The following FADS3 variants were observed in gnomAD, a reference collection of about 807,000 sequenced individuals.
FADS3 encodes cytochrome b5-related protein.
A neutral mutation model predicts 60.4 loss-of-function variants in FADS3; 30 were observed. The observed-to-expected ratio is 0.50, with a 90% CI of 0.37 to 0.67. The LOEUF (loss-of-function observed/expected upper bound fraction) is 0.67, where lower values mean the gene tolerates loss of function less well. Among genes scored for constraint, FADS3 ranks in the 30% least tolerant of loss-of-function variants. The pLI is 0.00. For missense variants in FADS3, 432 were observed against 598.3 expected, an observed-to-expected ratio of 0.72 and a Z score of 2.90; for synonymous variants, 234 against 249.3, an observed-to-expected ratio of 0.94 and a Z score of 0.58.
At chr11:61,883,783 C>T (rs753895437) in intron 1 of FADS3, among the ~76,000 whole-genome samples, 1 of 152,236 alleles carries the variant, frequency 6.6e-6, no homozygotes, top group Non-Finnish European at 1.5e-5. Flanking sequence ...CCTGTCGAGG[C>T]ACTGACAGGG....
At chr11:61,888,549 G>T (rs1442156479) in intron 1 of FADS3, among the ~76,000 whole-genome samples, 2 of 152,270 alleles carry the variant, frequency 1.3e-5, no homozygotes, top group East Asian at 3.8e-4. Flanking sequence ...GGAGCTAAGA[G>T]ACAGCCTAAA....
At chr11:61,887,235 A>C (rs990435470) in intron 1 of FADS3, among the ~76,000 whole-genome samples, 3 of 152,214 alleles carry the variant, frequency 2.0e-5, no homozygotes, top group Admixed American at 6.5e-5. Context: ...TAAAGACAAC[A>C]TGAAGCTAAA....
chr11:61,874,395 G>A (rs1323576770), intron 11 of FADS3, among the ~76,000 whole-genome samples: 3 of 152,214 alleles, frequency 2.0e-5, no homozygotes, highest in African/African-American at 7.2e-5. Flanking sequence ...GGAAGGAAGG[G>A]CAACCAAGTA....
chr11:61,878,607 G>C lies in FADS3; in HGVS notation c.652C>G (p.Arg218Gly). 1 of 1,614,174 alleles carries C rather than the reference G, an allele frequency of 6.2e-7. No homozygotes were observed. The highest frequency in any genetic ancestry group is 8.5e-7 in the Non-Finnish European group (1 of 1,180,016). Residue 218 changes from arginine to glycine, a missense_variant, in exon 5 of 12, where the codon CGC (arginine) becomes GGC (glycine). Arg to Gly is a moderately radical substitution (Grantham distance 125). Coordinates refer to ENST00000278829, the MANE Select transcript of FADS3 (RefSeq NM_021727.5). ...KGFSAHWWNF[R>G]HFQHHAKPNI... The stretch of plus-strand genomic sequence containing the variant: ...GGCTTGGCGTGGTGCTGGAAGTGGC[G>C]GAAGTTCCACCAGTGGGCGGAGAAG...
chr11:61,885,102 G>C (rs1273440069), intron 1 of FADS3, among the ~76,000 whole-genome samples: 1 of 152,226 alleles, frequency 6.6e-6, no homozygotes, highest in Non-Finnish European at 1.5e-5. Flanking sequence ...CCCATCTTCT[G>C]TGATGTTCAT....
At position 61,876,892 on chromosome 11, in the gene FADS3, C is replaced by T. The variant is rs1415980099; in HGVS notation, c.957G>A (p.Gly319=). The change falls in exon 8 of 12, where the codon GGG becomes GGA. Residue 319 remains glycine (G), a synonymous_variant. Transcript: ENST00000278829. The surrounding 1 kb of genome is among the most constrained non-coding windows in gnomAD (Gnocchi z 5.7). ...LSYLPFYGVP[G]VLLFFVAVRV... ...TGACAGCAACAAAGAAGAGCAGCAC[C>T]CCAGGGACGCCGTAGAAGGGGAGGT... 3 of 1,610,778 alleles carry T rather than the reference C, an allele frequency of 1.9e-6. No individual in the cohort carries two copies. Among genetic ancestry groups the T allele is most frequent in the Middle Eastern group, 3.3e-4 (2 of 6,058 alleles).
At chr11:61,882,111 T>TG (rs1452819143) in intron 1 of FADS3, 2 of 133,670 alleles carry the variant, frequency 1.5e-5, no homozygotes, top group African/African-American at 5.6e-5. Flanking sequence ...TTTTTTTTTT[T>TG]TTTTTTTTTT....
rs1177931779 is a variant in FADS3 at position 61,876,316 on chromosome 11, A to T, written c.1080+43T>A. ...CTTTGCCATCTGGCTCCTAGCTGGG[A>T]CCCCCCACCCCACCCAGGATGGGCC... On this transcript the variant is annotated intron_variant, in intron 9 of 11. Transcript: ENST00000278829. The surrounding 1 kb of genome is among the most constrained non-coding windows in gnomAD (Gnocchi z 5.7). The T allele has an allele frequency of 2.5e-6, 4 of 1,595,906 alleles. No homozygotes were observed. Among genetic ancestry groups the T allele is most frequent in the Non-Finnish European group, 3.4e-6 (4 of 1,168,708 alleles).
At position 61,878,945 on chromosome 11, in the gene FADS3, G is replaced by A. The variant is rs75930575; in HGVS notation, c.523-98C>T. The A allele has an allele frequency of 1.7e-3, 1,557 of 927,650 alleles. 18 individuals are homozygous for A. In the African/African-American group the frequency reaches 0.021, roughly 13 times the overall value. The allele number at this position is 927,650 out of a possible 1,614,324, so 57.5% of individuals were successfully genotyped here. A position where few individuals can be genotyped will look rare whatever the true frequency, so the allele number is the denominator to read the frequency against. Reference sequence around the variant, plus strand: ...CTTTCAGCTTGCAGGGTACCCCCGTGCTAATGCTCCATTTCAAGACCCTTG... The same window carrying A: ...CTTTCAGCTTGCAGGGTACCCCCGTACTAATGCTCCATTTCAAGACCCTTG... On this transcript the variant is annotated intron_variant, in intron 3 of 11. Transcript: ENST00000278829.
intron 1 of FADS3, among the ~76,000 whole-genome samples, chr11:61,889,504 G>A (rs1938423526): frequency 6.6e-6 from 1 of 152,052 alleles, no homozygotes; most frequent in Non-Finnish European, 1.5e-5. Flanking sequence ...ACAATATGCT[G>A]GGCGTGGTGG....
intron 1 of FADS3, among the ~76,000 whole-genome samples, chr11:61,885,085 A>AC (rs1277864239): frequency 6.6e-6 from 1 of 152,094 alleles, no homozygotes; most frequent in African/African-American, 2.4e-5. Context: ...TGGGATTCGA[A>AC]CCCGGGCCCA....
intron 1 of FADS3, among the ~76,000 whole-genome samples, chr11:61,889,372 C>T (rs945488971): frequency 2.0e-5 from 3 of 151,836 alleles, no homozygotes; most frequent in African/African-American, 4.8e-5. Context: ...TGTATCCCAG[C>T]CGGGCGTGGT....
Position 61,877,427 on chromosome 11 carries a change from C to A in FADS3, c.885+84G>T. 1 of 1,311,324 alleles carries A rather than the reference C, an allele frequency of 7.6e-7. No homozygotes were observed. Among genetic ancestry groups the A allele is most frequent in the African/African-American group, 1.4e-5 (1 of 69,406 alleles). The allele number at this position is 1,311,324 out of a possible 1,614,324, so 81.2% of individuals were successfully genotyped here. ...TGCACGCACATGTGCACCCTGTTTG[C>A]CTTCATGGGCAGGTACTGTCCCCCG... is the stretch of plus-strand genomic sequence containing the variant. On this transcript the variant is annotated intron_variant, in intron 7 of 11. Transcript: ENST00000278829. The surrounding 1 kb of genome is among the most constrained non-coding windows in gnomAD (Gnocchi z 4.7).
At chr11:61,891,025 C>T (rs1938486734) in intron 1 of FADS3, 144 bp downstream of exon 1, 2 of 751,226 alleles carry the variant, frequency 2.7e-6, no homozygotes, top group Admixed American at 4.8e-5. Flanking sequence ...CTAGTCCACC[C>T]CAACTCTGGG....
In FADS3 at chr11:61,876,798, G is replaced by A; in HGVS notation, c.983+68C>T. 2 of 1,232,446 alleles carry A rather than the reference G, an allele frequency of 1.6e-6. No individual in the cohort carries two copies. The highest frequency in any genetic ancestry group is 2.3e-6 in the Non-Finnish European group (2 of 856,046). The allele number at this position is 1,232,446 out of a possible 1,614,324, so 76.3% of individuals were successfully genotyped here. A position where few individuals can be genotyped will look rare whatever the true frequency, so the allele number is the denominator to read the frequency against. ...CCATTCTGCAGACGGGAAAAGGGAA[G>A]CTCTGGTGGGGGGCTGCAGTGGGGG... On this transcript the variant is annotated intron_variant, in intron 8 of 11. Coordinates refer to ENST00000278829, the MANE Select transcript of FADS3 (RefSeq NM_021727.5). This position sits in a 1 kb window ranked among gnomAD's most constrained non-coding sequence, Gnocchi z 5.7.
chr11:61,877,580 C>T lies in FADS3; in HGVS notation c.816G>A (p.Pro272=), dbSNP rs758316528. The part of the protein sequence containing the change: ...QQHLYFFLIG[P]PLLTLVNFEV... ...CAAAGTTCACCAGGGTGAGCAGCGGCGGGCCGACTGCAAGAAGGGGCATGA... is the reference window on the plus strand; with the variant it reads ...CAAAGTTCACCAGGGTGAGCAGCGGTGGGCCGACTGCAAGAAGGGGCATGA... The change falls in exon 7 of 12, where the codon CCG becomes CCA. Residue 272 remains proline (P), a synonymous_variant. Coordinates refer to ENST00000278829, the MANE Select transcript of FADS3 (RefSeq NM_021727.5). This position sits in a 1 kb window ranked among gnomAD's most constrained non-coding sequence, Gnocchi z 4.7. 5.1e-5 allele frequency: 82 copies of T among 1,613,590 alleles called. No individual in the cohort carries two copies. The highest frequency in any genetic ancestry group is 6.4e-5 in the Non-Finnish European group (76 of 1,179,986).
At chr11:61,886,166 A>AGG (rs2136000528) in intron 1 of FADS3, 1 of 152,438 alleles carries the variant, frequency 6.6e-6, no homozygotes, top group South Asian at 2.1e-4. Context: ...TCCTGCAGCC[A>AGG]GGACGCTTGG....
At position 61,873,737 on chromosome 11, in the gene FADS3, TGAGGGTATCGATCCCGCCG is replaced by T; in HGVS notation, c.*58_*76del. ...ACCCCCAGGCTGGCCAGTGGAGGGG[TGAGGGTATCGATCCCGCCG>T]GGGGCTGGCTTGGTTGCTGGTGCCC... On this transcript the variant is annotated 3_prime_UTR_variant, in exon 12 of 12. Transcript: ENST00000278829. 1.0e-6 allele frequency: 1 copy of T among 994,748 alleles called. No homozygotes were observed. The highest frequency in any genetic ancestry group is 1.4e-5 in the South Asian group (1 of 73,536). The allele number at this position is 994,748 out of a possible 1,614,324, so 61.6% of individuals were successfully genotyped here.
chr11:61,882,521 G>C (rs1280877223), intron 1 of FADS3: 1 of 152,182 alleles, frequency 6.6e-6, no homozygotes, highest in East Asian at 1.9e-4. Flanking sequence ...CTGGTCGTAA[G>C]TGATCCTCCC....
Sources: allele counts gnomAD v4.1 joint callset (sites outside exome capture counted in the v4.1 genomes callset), GRCh38; gene constraint gnomAD v4.1.1; non-coding constraint Gnocchi (gnomAD v3.1); transcripts MANE v1.5; gene names NCBI Gene and HGNC (gene_info 2026-07-23, HGNC 2026-07-21).